Variants in PIGN observed in about 807,000 individuals in gnomAD.
The protein encoded by PIGN is GPI ethanolamine phosphate transferase 1.
In PIGN, 117 loss-of-function variants were observed where a neutral mutation model predicts 125.4. The ratio of observed to expected loss-of-function variants is 0.93; its 90% confidence interval spans 0.80 to 1.09. The LOEUF is 1.09. Ranked by LOEUF, PIGN falls within the 50% of genes least tolerant of loss-of-function variation. The pLI is 0.00. For missense variants in PIGN, 1,075 were observed against 1,094.9 expected (o/e 0.98, Z 0.26); for synonymous variants, 392 against 377.8 (o/e 1.04, Z -0.44).
intron 14 of PIGN, among the ~76,000 whole-genome samples, chr18:62,121,340 G>T (rs2035296553): frequency 1.3e-5 from 2 of 151,930 alleles, no homozygotes; most frequent in Non-Finnish European, 2.9e-5. Flanking sequence ...AACCACAGAG[G>T]TAAAAAAATT....
chr18:62,053,898 C>T (rs539080212), intron 30 of PIGN, among the ~76,000 whole-genome samples: 1 of 152,234 alleles, frequency 6.6e-6, no homozygotes, highest in South Asian at 2.1e-4. Context: ...ACACAGAGTG[C>T]CTTCTCTGAC....
rs186876122 is a variant in PIGN, at chr18:62,045,529, G to C, written c.*327C>G. 59 of 218,648 alleles carry C rather than the reference G, an allele frequency of 2.7e-4. No individual in the cohort carries two copies. Among genetic ancestry groups the C allele is most frequent in the Non-Finnish European group, 4.1e-4 (45 of 108,602 alleles). 13.5% of individuals were successfully genotyped at this position (218,648 alleles called of 1,614,324 possible). ...GCATATGCTCTCCTCTGGGTATGTG[G>C]GAAGTTGTGCGACTGGGGACCAGAT... On this transcript the variant is annotated 3_prime_UTR_variant, in exon 31 of 31. Coordinates refer to ENST00000640252, the MANE Select transcript of PIGN (RefSeq NM_176787.5).
At chr18:62,156,901 A>T (rs1231319777) in intron 6 of PIGN, among the ~76,000 whole-genome samples, 1 of 152,196 alleles carries the variant, frequency 6.6e-6, no homozygotes, top group Non-Finnish European at 1.5e-5. Context: ...GCTATATACC[A>T]CTTAATTGAA....
chr18:62,042,607 G>A lies in PIGN; in HGVS notation c.*3249C>T, dbSNP rs1390955334. 6.6e-6 allele frequency: 1 copy of A among 151,720 alleles called. No homozygotes were observed. Among genetic ancestry groups the A allele is most frequent in the East Asian group, 1.9e-4 (1 of 5,180 alleles). 9.4% of individuals were successfully genotyped at this position (151,720 alleles called of 1,614,324 possible). ...AGAGTAATAATAATTCTAGATTTTA[G>A]CCCTGTGAGGCCAATTAAAGATAAT... is the stretch of plus-strand genomic sequence containing the variant. On this transcript the variant is annotated 3_prime_UTR_variant, in exon 31 of 31. Coordinates refer to ENST00000640252, the MANE Select transcript of PIGN (RefSeq NM_176787.5).
intron 7 of PIGN, among the ~76,000 whole-genome samples, chr18:62,149,654 A>C (rs993383080): frequency 2.0e-5 from 3 of 152,210 alleles, no homozygotes; most frequent in African/African-American, 7.2e-5. Context: ...ATAATTCAGT[A>C]GGAAAGAAGG....
intron 14 of PIGN, among the ~76,000 whole-genome samples, chr18:62,132,190 T>C (rs1599594803): frequency 6.6e-6 from 1 of 152,250 alleles, no homozygotes; most frequent in East Asian, 1.9e-4. Context: ...TATGTGCATA[T>C]ATAAAAGTGA....
intron 22 of PIGN, among the ~76,000 whole-genome samples, chr18:62,097,854 G>C (rs1189940461): frequency 6.6e-6 from 1 of 152,054 alleles, no homozygotes; most frequent in African/African-American, 2.4e-5. Flanking sequence ...CCCAAGTGGA[G>C]GAAGGGCAGA....
chr18:62,042,217 A>G lies in PIGN; in HGVS notation c.*3639T>C, dbSNP rs781333957. 3 of 152,176 alleles carry G rather than the reference A, an allele frequency of 2.0e-5. No homozygotes were observed. Among genetic ancestry groups the G allele is most frequent in the African/African-American group, 4.8e-5 (2 of 41,434 alleles). 9.4% of individuals were successfully genotyped at this position (152,176 alleles called of 1,614,324 possible). A position where few individuals can be genotyped will look rare whatever the true frequency, so the allele number is the denominator to read the frequency against. Reference sequence around the variant, plus strand: ...GCACCTGTAATCCCAGCTACTCAGGAGGCTGAGGCAGAAGAATCGCTTGAA... The same window carrying G: ...GCACCTGTAATCCCAGCTACTCAGGGGGCTGAGGCAGAAGAATCGCTTGAA... On this transcript the variant is annotated 3_prime_UTR_variant, in exon 31 of 31. Transcript: ENST00000640252.
rs535864218 is a variant in PIGN, at chr18:62,161,474, CAT to C, written c.-32-91_-32-90del. The C allele has an allele frequency of 8.3e-6, 5 of 600,380 alleles. No individual in the cohort carries two copies. In the Admixed American group the frequency reaches 8.9e-5, roughly 11 times the overall value. The allele number at this position is 600,380 out of a possible 1,614,324, so 37.2% of individuals were successfully genotyped here. A position where few individuals can be genotyped will look rare whatever the true frequency, so the allele number is the denominator to read the frequency against. Reference sequence around the variant, plus strand: ...TTTTGATGATCACAAGTAGATGAAACATATATTTTTAATTATTATATAACTCA... The same window carrying C: ...TTTTGATGATCACAAGTAGATGAAACATATTTTTAATTATTATATAACTCA... On this transcript the variant is annotated intron_variant, in intron 3 of 30. Coordinates refer to ENST00000640252, the MANE Select transcript of PIGN (RefSeq NM_176787.5).
chr18:62,077,295 T>C (rs1164171703), intron 28 of PIGN, among the ~76,000 whole-genome samples: 1 of 151,958 alleles, frequency 6.6e-6, no homozygotes, highest in African/African-American at 2.4e-5. Flanking sequence ...CGAGAATCGA[T>C]TGAATGTGGG....
At chr18:62,027,611 A>G (rs901350970) in intron 23 of PIGN, among the ~76,000 whole-genome samples, 2 of 152,210 alleles carry the variant, frequency 1.3e-5, no homozygotes, top group Non-Finnish European at 2.9e-5. Context: ...CAAAGGAGGC[A>G]ACCAGATATG....
At chr18:62,116,962 A>T (rs1218977972) in intron 14 of PIGN, among the ~76,000 whole-genome samples, 1 of 152,098 alleles carries the variant, frequency 6.6e-6, no homozygotes, top group East Asian at 1.9e-4. Context: ...TCTTAAGGAG[A>T]AATATTTACA....
In PIGN at chr18:62,079,181, G is replaced by C. The variant is rs561056157; in HGVS notation, c.2576+3492C>G. ...CTGAGTGAACCATAAAACTATGTGA[G>C]TAAAGACCATATTAAGGTTTTTGCA... On this transcript the variant is annotated intron_variant, in intron 28 of 30. Coordinates refer to ENST00000640252, the MANE Select transcript of PIGN (RefSeq NM_176787.5). Among the ~76,000 whole-genome samples the C allele has an allele frequency of 1.8e-4, 27 of 152,322 alleles. 1 individual carries two copies. The South Asian group carries it at 5.2e-3, about 29-fold the overall frequency.
At chr18:62,146,061 TAGA>T in intron 9 of PIGN, 36 bp from the exon 10 acceptor site, 1 of 892,656 alleles carries the variant, frequency 1.1e-6, no homozygotes, top group Non-Finnish European at 1.7e-6. Context: ...AAGACAAATA[TAGA>T]AGAACTAACT....
rs181826685 is a variant in PIGN at position 62,060,004 on chromosome 18, T to C, written c.2672+12669A>G. 3.4e-3 allele frequency among the ~76,000 whole-genome samples: 524 copies of C among 152,284 alleles called. 3 individuals carry two copies. Among genetic ancestry groups the C allele is most frequent in the African/African-American group, 0.012 (499 of 41,572 alleles). The stretch of plus-strand genomic sequence containing the variant: ...ATCCTCAAATTTAATCTAAAGTCTG[T>C]CTATAAAAGGCATTCCACAGATCAC... On this transcript the variant is annotated intron_variant, in intron 30 of 30. Coordinates refer to ENST00000640252, the MANE Select transcript of PIGN (RefSeq NM_176787.5).
intron 9 of PIGN, among the ~76,000 whole-genome samples, 160 bp downstream of exon 9, chr18:62,146,811 G>A (rs1180166581): frequency 6.6e-6 from 1 of 152,094 alleles, no homozygotes; most frequent in Admixed American, 6.5e-5. Context: ...TTTTTTATAA[G>A]ATCAGTTGTT....
At chr18:62,039,466 C>A (rs1233078488), downstream of PIGN, among the ~76,000 whole-genome samples, 1 of 151,810 alleles carries the variant, frequency 6.6e-6, no homozygotes, top group African/African-American at 2.4e-5. Context: ...CAGGATGCCG[C>A]ACCCCATGTT....
intron 1 of PIGN, among the ~76,000 whole-genome samples, chr18:62,179,233 G>T (rs1049094307): frequency 6.6e-6 from 1 of 152,244 alleles, no homozygotes; most frequent in East Asian, 1.9e-4. Flanking sequence ...GAGGCGGTTT[G>T]TTCAGTTTGT....
intron 14 of PIGN, among the ~76,000 whole-genome samples, chr18:62,115,015 C>A (rs547132416): frequency 2.4e-4 from 36 of 152,160 alleles, no homozygotes; most frequent in African/African-American, 8.7e-4. Context: ...GCAGACTTCA[C>A]GTGATTGAGG....
Sources: allele counts gnomAD v4.1 joint callset (sites outside exome capture counted in the v4.1 genomes callset), GRCh38; gene constraint gnomAD v4.1.1; transcripts MANE v1.5; gene names NCBI Gene and HGNC (gene_info 2026-07-23, HGNC 2026-07-21).